SETD1B: variants seen among roughly 807,000 people sequenced by gnomAD.
The protein encoded by SETD1B is histone-lysine N-methyltransferase SETD1B.
SETD1B carries 7 observed loss-of-function variants against 148.0 expected under a neutral mutation model. That is an observed-to-expected ratio of 0.05 (90% confidence interval 0.03 to 0.09). The LOEUF (loss-of-function observed/expected upper bound fraction) is 0.09. Among genes scored for constraint, SETD1B ranks in the 10% least tolerant of loss-of-function variants. The pLI, the probability that SETD1B is intolerant of heterozygous loss-of-function variation, is 1.00. For synonymous variants in SETD1B, 1,361 were observed against 1,186.5 expected, an observed-to-expected ratio of 1.15 and a Z score of -3.02; for missense variants, 2,155 against 2,729.9, an observed-to-expected ratio of 0.79 and a Z score of 4.69.
At position 121,820,348 on chromosome 12, in the gene SETD1B, C is replaced by T. The variant is rs181567535; in HGVS notation, c.3910+453C>T. Among the ~76,000 whole-genome samples the T allele has an allele frequency of 2.4e-3, 366 of 152,350 alleles. 5 individuals carry two copies. The highest frequency in any genetic ancestry group is 5.1e-4 in the Non-Finnish European group (35 of 68,032). On this transcript the variant is annotated intron_variant, in intron 11 of 16. Coordinates refer to ENST00000604567, the MANE Select transcript of SETD1B (RefSeq NM_001353345.2). ...AACTCTAACTGCATGGCCAGTAGAACTTTCCACAGTGATGGCAGCGTTCTC... is the reference window on the plus strand; with the variant it reads ...AACTCTAACTGCATGGCCAGTAGAATTTTCCACAGTGATGGCAGCGTTCTC...
chr12:121,823,309 C>T lies in SETD1B; in HGVS notation c.4730C>T (p.Ala1577Val), dbSNP rs547984481. 1.6e-4 allele frequency: 253 copies of T among 1,547,996 alleles called. 1 individual carries two copies. Among genetic ancestry groups the T allele is most frequent in the Admixed American group, 9.2e-4 (47 of 50,980 alleles). Residue 1577 changes from alanine (A) to valine (V), a missense_variant, in exon 12 of 17, where the codon GCG becomes GTG. Coordinates refer to ENST00000604567, the MANE Select transcript of SETD1B (RefSeq NM_001353345.2). ...PRTVTLDFRN[A>V]GIPAPPPPLP... Reference sequence around the variant, plus strand: ...ACGGTGACCCTGGACTTCCGGAACGCGGGGATCCCAGCCCCTCCACCACCC... The same window carrying T: ...ACGGTGACCCTGGACTTCCGGAACGTGGGGATCCCAGCCCCTCCACCACCC...
At position 121,808,550 on chromosome 12, in the gene SETD1B, G is replaced by A. The variant is rs1386114290; in HGVS notation, c.657+230G>A. On this transcript the variant is annotated intron_variant, in intron 5 of 16. Transcript: ENST00000604567. The surrounding 1 kb of genome is among the most constrained non-coding windows in gnomAD (Gnocchi z 5.3). ...TCCTGCAGTAGGGCTCCATGGGATTGGTTCTGTTTCCTGTGGCTTCTCCCC... is the reference window on the plus strand; with the variant it reads ...TCCTGCAGTAGGGCTCCATGGGATTAGTTCTGTTTCCTGTGGCTTCTCCCC... Among the ~76,000 whole-genome samples the A allele has an allele frequency of 6.6e-6, 1 of 152,234 alleles. No homozygotes were observed. Among genetic ancestry groups the A allele is most frequent in the African/African-American group, 2.4e-5 (1 of 41,454 alleles).
In SETD1B at chr12:121,824,111, G is replaced by T. The variant is rs562139487; in HGVS notation, c.5170+362G>T. On this transcript the variant is annotated intron_variant, in intron 12 of 16. Coordinates refer to ENST00000604567, the MANE Select transcript of SETD1B (RefSeq NM_001353345.2). Reference sequence around the variant, plus strand: ...TCCCGGTAGCCTGGTGAAGATGGGGGCTATGATTCCCATTTTACATATGAA... The same window carrying T: ...TCCCGGTAGCCTGGTGAAGATGGGGTCTATGATTCCCATTTTACATATGAA... Among the ~76,000 whole-genome samples, 4 of 152,312 alleles carry T rather than the reference G, an allele frequency of 2.6e-5. No individual in the cohort carries two copies. The East Asian group carries it at 7.7e-4, about 29-fold the overall frequency.
At chr12:121,826,620 GGCA>G (rs1366692052) in intron 13 of SETD1B, among the ~76,000 whole-genome samples, 1 of 152,106 alleles carries the variant, frequency 6.6e-6, no homozygotes, top group Admixed American at 6.6e-5. Flanking sequence ...TGGGGTGACA[GGCA>G]GCAGAGGGAG....
At chr12:121,820,013 G>A (rs1426742463) in intron 11 of SETD1B, 118 bp downstream of exon 11, 3 of 869,892 alleles carry the variant, frequency 3.4e-6, no homozygotes, top group South Asian at 1.6e-5. Context: ...AGTTTCCCGT[G>A]TAAAACGAGA....
In SETD1B at chr12:121,819,650, C is replaced by T. The variant is rs904535678; in HGVS notation, c.3665C>T (p.Ala1222Val). The change falls in exon 11 of 17, where the codon GCA becomes GTA. Residue 1222 changes from alanine to valine, a missense_variant. Physicochemically the swap from Ala to Val is moderately conservative, Grantham distance 64 (BLOSUM62 0). This residue lies in a region of SETD1B where 862 missense variants were observed against 873.8 expected (regional missense o/e 0.99). Coordinates refer to ENST00000604567, the MANE Select transcript of SETD1B (RefSeq NM_001353345.2). ...GAGGAAGCGGCTCTGGCCCCGGGGG[C>T]ACCTGCAGTGGACTCGTTGGGCATG... ...DGEEAALAPG[A>V]PAVDSLGMEE... is the part of the protein sequence containing the mutation. 2 of 1,551,416 alleles carry T rather than the reference C, an allele frequency of 1.3e-6. No homozygotes were observed. Among genetic ancestry groups the T allele is most frequent in the African/African-American group, 1.4e-5 (1 of 73,022 alleles).
the SETD1B span, among the ~76,000 whole-genome samples, chr12:121,798,434 T>C: frequency 6.6e-6 from 1 of 151,620 alleles, no homozygotes; most frequent in Non-Finnish European, 1.5e-5. Flanking sequence ...CCCCACCCCC[T>C]GCAGCCACTC....
In SETD1B at chr12:121,823,075, CGCTGCCACCCCTGCTG is replaced by C; in HGVS notation, c.4497_4512del (p.Leu1500ProfsTer11). 2.0e-6 allele frequency: 3 copies of C among 1,508,626 alleles called. No homozygotes were observed. Among genetic ancestry groups the C allele is most frequent in the South Asian group, 1.2e-5 (1 of 81,092 alleles). The allele number at this position is 1,508,626 out of a possible 1,614,324, so 93.5% of individuals were successfully genotyped here. A position where few individuals can be genotyped will look rare whatever the true frequency, so the allele number is the denominator to read the frequency against. On this transcript the variant is annotated frameshift_variant, in exon 12 of 17. Transcript: ENST00000604567. LOFTEE classifies it high-confidence loss of function. ...CGGGCCCAGGCTCGTGCGCCCACCC[CGCTGCCACCCCTGCTG>C]CCCGCCCCCCTGGCCTCTTGCCCTC...
intron 4 of SETD1B, among the ~76,000 whole-genome samples, chr12:121,807,640 C>G (rs1033862555): frequency 6.6e-6 from 1 of 152,098 alleles, no homozygotes; most frequent in Non-Finnish European, 1.5e-5. Flanking sequence ...CTATAAAAGC[C>G]TCCTTCTGCT....
At position 121,804,576 on chromosome 12, in the gene SETD1B, TGGGG is replaced by T; in HGVS notation, c.-14-145_-14-142del. 1.6e-6 allele frequency: 1 copy of T among 614,914 alleles called. No individual in the cohort carries two copies. Among genetic ancestry groups the T allele is most frequent in the Non-Finnish European group, 2.7e-6 (1 of 370,082 alleles). 38.1% of individuals were successfully genotyped at this position (614,914 alleles called of 1,614,324 possible). Reference sequence around the variant, plus strand: ...TTATTCTCTCGCTCCATTCTTGTTTTGGGGGGAGCCAGCGAGACAGCTCCTTTCG... The same window carrying T: ...TTATTCTCTCGCTCCATTCTTGTTTTGGAGCCAGCGAGACAGCTCCTTTCG... On this transcript the variant is annotated intron_variant, in intron 1 of 16. Coordinates refer to ENST00000604567, the MANE Select transcript of SETD1B (RefSeq NM_001353345.2). The surrounding 1 kb of genome is among the most constrained non-coding windows in gnomAD (Gnocchi z 4.6).
chr12:121,813,331 A>G (rs909290536), intron 6 of SETD1B, among the ~76,000 whole-genome samples: 2 of 148,006 alleles, frequency 1.4e-5, no homozygotes, highest in African/African-American at 4.9e-5. Context: ...ATAACAACAC[A>G]CTTCCTGTTT....
rs781386265 is a variant in SETD1B at position 121,810,073 on chromosome 12, C to T, written c.1128C>T (p.Ala376=). The change falls in exon 6 of 17, where the codon GCC becomes GCT. Residue 376 remains alanine, a synonymous_variant. Coordinates refer to ENST00000604567, the MANE Select transcript of SETD1B (RefSeq NM_001353345.2). This position sits in a 1 kb window ranked among gnomAD's most constrained non-coding sequence, Gnocchi z 7.6. The part of the protein sequence containing the change: ...PPFKAQPQDS[A]TFAHTPPPAQ... ...TCAAGGCTCAACCACAGGATTCAGC[C>T]ACATTTGCCCACACTCCACCACCCG... 7.3e-5 allele frequency: 113 copies of T among 1,550,268 alleles called. No individual in the cohort carries two copies. The highest frequency in any genetic ancestry group is 3.3e-4 in the Admixed American group (17 of 51,004).
In SETD1B at chr12:121,823,169, C is replaced by T; in HGVS notation, c.4590C>T (p.Leu1530=). ...CCCGGCGATCCCCACCATCTATGCT[C>T]TCCTTGGATGGGCCCTTGGTCCGAC... The part of the protein sequence containing the change: ...GRPRRSPPSM[L]SLDGPLVRPP... The change falls in exon 12 of 17, where the codon CTC becomes CTT. Residue 1530 remains leucine, a synonymous_variant. Transcript: ENST00000604567. 1 of 1,545,826 alleles carries T rather than the reference C, an allele frequency of 6.5e-7. No individual in the cohort carries two copies. The highest frequency in any genetic ancestry group is 1.2e-5 in the South Asian group (1 of 84,040).
chr12:121,795,073 A>T, the SETD1B span, among the ~76,000 whole-genome samples: 2 of 152,198 alleles, frequency 1.3e-5, no homozygotes, highest in African/African-American at 4.8e-5. Flanking sequence ...AGGTTCTCAC[A>T]GTGCAAGCAA....
the SETD1B span, chr12:121,794,010 T>A: frequency 5.5e-6 from 1 of 180,868 alleles, no homozygotes; most frequent in Non-Finnish European, 1.1e-5. Context: ...AGGGACCCTC[T>A]GATTGGCTGG....
upstream of SETD1B, chr12:121,799,731 T>TGGGGGGGGTGGGGGG (rs1308261766): frequency 3.2e-5 from 1 of 31,728 alleles, no homozygotes; most frequent in Non-Finnish European, 6.9e-5. Flanking sequence ...GGGGGGGGGG[T>TGGGGGGGGTGGGGGG]GGGGTGGGGC....
chr12:121,813,822 C>A (rs1384906012), intron 6 of SETD1B, among the ~76,000 whole-genome samples: 2 of 152,196 alleles, frequency 1.3e-5, no homozygotes, highest in Non-Finnish European at 2.9e-5. Flanking sequence ...TTGCCTGCCT[C>A]TTCAACTTTG....
rs1043271305 is a variant in SETD1B, at chr12:121,817,808, G to A, written c.3322G>A (p.Asp1108Asn). The A allele has an allele frequency of 9.7e-6, 15 of 1,550,114 alleles. No homozygotes were observed. The East Asian group carries it at 1.2e-4, about 13-fold the overall frequency. Residue 1108 changes from aspartate (D) to asparagine (N), a missense_variant, in exon 10 of 17, where the codon GAT becomes AAT. By Grantham distance (23) the Asp-to-Asn change is conservative. Transcript: ENST00000604567. This position sits in a 1 kb window ranked among gnomAD's most constrained non-coding sequence, Gnocchi z 8.1. ...TSSTSDKDDD[D>N]DDSDDRDESE... ...CTTCCTTCTCCCCCAGGATGACGAC[G>A]ATGACGACAGTGATGACCGGGACGA...
chr12:121,801,309 G>A (rs1404218107), upstream of SETD1B: 3 of 152,106 alleles, frequency 2.0e-5, no homozygotes, highest in Non-Finnish European at 4.4e-5. Flanking sequence ...CCTGGGAAGA[G>A]CGAGGGGGCG....
Sources: allele counts gnomAD v4.1 joint callset (sites outside exome capture counted in the v4.1 genomes callset), GRCh38; gene constraint gnomAD v4.1.1; regional missense constraint gnomAD v4.1.1; non-coding constraint Gnocchi (gnomAD v3.1); transcripts MANE v1.5; gene names NCBI Gene and HGNC (gene_info 2026-07-23, HGNC 2026-07-21).